UMODL1: variants seen among roughly 807,000 people sequenced by gnomAD.
The protein encoded by UMODL1 is uromodulin-like 1.
Under a neutral mutation model 136.3 loss-of-function variants are expected in UMODL1, and 128 were observed. The ratio of observed to expected loss-of-function variants is 0.94; its 90% confidence interval spans 0.81 to 1.09. The LOEUF (loss-of-function observed/expected upper bound fraction) is 1.09. Ranked by LOEUF, UMODL1 falls within the 50% of genes least tolerant of loss-of-function variation. UMODL1 has a pLI of 0.00. For synonymous variants in UMODL1, 721 were observed against 720.0 expected (o/e 1.00, Z -0.02); for missense variants, 1,766 against 1,725.6 (o/e 1.02, Z -0.41).
chr21:42,073,808 C>T (rs2066257889), intron 1 of UMODL1, among the ~76,000 whole-genome samples: 2 of 146,666 alleles, frequency 1.4e-5, no homozygotes, highest in Admixed American at 1.4e-4. Flanking sequence ...CTCTGTGTTC[C>T]TCCCCAGAAA....
chr21:42,132,534 CCATCCATCTATT>C (rs1225025302), intron 21 of UMODL1, among the ~76,000 whole-genome samples: 2 of 151,930 alleles, frequency 1.3e-5, no homozygotes, highest in African/African-American at 4.8e-5. Flanking sequence ...ATTCATCCAT[CCATCCATCTATT>C]CATCCATCCA....
chr21:42,104,641 G>A (rs1226993331), intron 9 of UMODL1, among the ~76,000 whole-genome samples: 2 of 152,006 alleles, frequency 1.3e-5, no homozygotes, highest in Non-Finnish European at 2.9e-5. Context: ...GTAGAGACAG[G>A]GTTTCACCGT....
Position 42,127,140 on chromosome 21 carries a change from T to C in UMODL1, c.3428T>C (p.Leu1143Pro). The C allele has an allele frequency of 1.2e-6, 2 of 1,614,154 alleles. No homozygotes were observed. Among genetic ancestry groups the C allele is most frequent in the Non-Finnish European group, 1.7e-6 (2 of 1,180,032 alleles). ...GACGATGTCAGGATCGAAGTGGGGCTCTACAGGCAGAAAAGCAACCTCAAG... is the reference window on the plus strand; with the variant it reads ...GACGATGTCAGGATCGAAGTGGGGCCCTACAGGCAGAAAAGCAACCTCAAG... ...ASDDVRIEVG[L>P]YRQKSNLKVV... The change falls in exon 19 of 23, where the codon CTC (leucine) becomes CCC (proline). Residue 1143 changes from leucine to proline, a missense_variant. Leu to Pro is a moderately conservative substitution (Grantham distance 98). Transcript: ENST00000408910.
At chr21:42,128,827 T>A (rs2067096545) in intron 20 of UMODL1, among the ~76,000 whole-genome samples, 1 of 152,198 alleles carries the variant, frequency 6.6e-6, no homozygotes, top group Admixed American at 6.5e-5. Context: ...TTTTTCAAGC[T>A]CCTTTAGGAT....
chr21:42,123,209 C>A lies in UMODL1; in HGVS notation c.3147+59C>A. 1 of 1,536,518 alleles carries A rather than the reference C, an allele frequency of 6.5e-7. No individual in the cohort carries two copies. The highest frequency in any genetic ancestry group is 1.9e-5 in the Admixed American group (1 of 53,286). ...CTAGGGCGCAAGGGGCTCTAGGTTACATGGGCCTCGATGTGGGAGGGCCAG... is the reference window on the plus strand; with the variant it reads ...CTAGGGCGCAAGGGGCTCTAGGTTAAATGGGCCTCGATGTGGGAGGGCCAG... On this transcript the variant is annotated intron_variant, in intron 17 of 22. Transcript: ENST00000408910. This position sits in a 1 kb window ranked among gnomAD's most constrained non-coding sequence, Gnocchi z 4.4.
At chr21:42,110,471 A>C (rs924510936) in intron 10 of UMODL1, among the ~76,000 whole-genome samples, 1 of 152,134 alleles carries the variant, frequency 6.6e-6, no homozygotes, top group African/African-American at 2.4e-5. Context: ...CATTCGCCTA[A>C]TGTCCTGCAA....
intron 1 of UMODL1, chr21:42,063,340 C>T (rs1370032415): frequency 6.6e-6 from 1 of 152,510 alleles, no homozygotes; most frequent in East Asian, 1.9e-4. Context: ...TTCACTTCCT[C>T]ATTGGCAAGC....
rs767644421 is a variant in UMODL1 at position 42,109,455 on chromosome 21, C to T, written c.1520-107C>T. The T allele has an allele frequency of 4.5e-4, 679 of 1,502,624 alleles. 1 individual carries two copies. The highest frequency in any genetic ancestry group is 5.8e-4 in the Non-Finnish European group (646 of 1,105,660). 93.1% of individuals were successfully genotyped at this position (1,502,624 alleles called of 1,614,324 possible). ...GCCCCAAAATGCCCCTGCTCCCGGC[C>T]GTTCACTGCAAAGACGGCTAGGAAG... is the stretch of plus-strand genomic sequence containing the variant. On this transcript the variant is annotated intron_variant, in intron 9 of 22. Coordinates refer to ENST00000408910, the MANE Select transcript of UMODL1 (RefSeq NM_001004416.3).
intron 3 of UMODL1, 94 bp downstream of exon 3, chr21:42,084,339 T>A: frequency 7.1e-7 from 1 of 1,401,938 alleles, no homozygotes; most frequent in Non-Finnish European, 9.5e-7. Flanking sequence ...AGTGTGTTTC[T>A]AGGAGCAGTG....
chr21:42,111,721 C>T lies in UMODL1; in HGVS notation c.2104+11C>T, dbSNP rs544754891. The stretch of plus-strand genomic sequence containing the variant: ...AGACCCCCGCCTGTGGTGAGTTCCT[C>T]GAATGGTGCATGGGGACTAGGACTA... On this transcript the variant is annotated intron_variant, in intron 12 of 22. Coordinates refer to ENST00000408910, the MANE Select transcript of UMODL1 (RefSeq NM_001004416.3). 111 of 1,603,440 alleles carry T rather than the reference C, an allele frequency of 6.9e-5. 1 individual carries two copies. The Middle Eastern group carries it at 1.7e-3, about 24-fold the overall frequency.
chr21:42,104,408 ATTTCTTTTCTTTT>A (rs950054332), intron 9 of UMODL1, among the ~76,000 whole-genome samples: 32 of 149,876 alleles, frequency 2.1e-4, no homozygotes, highest in East Asian at 5.9e-4. Context: ...CTGTGGGTCT[ATTTCTTTTCTTTT>A]TTTCTTTTCT....
At chr21:42,067,900 G>A (rs1192198773), upstream of UMODL1, among the ~76,000 whole-genome samples, 1 of 152,254 alleles carries the variant, frequency 6.6e-6, no homozygotes, top group Admixed American at 6.5e-5. Context: ...AAAAGGAAAA[G>A]TCATTCGGGC....
intron 1 of UMODL1, 116 bp from the exon 2 acceptor site, chr21:42,075,889 C>A (rs1247306575): frequency 2.8e-5 from 41 of 1,470,748 alleles, no homozygotes; most frequent in African/African-American, 5.6e-5. Context: ...GAGAGGCCTG[C>A]GCGAGTGCGG....
intron 6 of UMODL1, among the ~76,000 whole-genome samples, chr21:42,092,057 G>A (rs564816520): frequency 2.6e-5 from 4 of 152,336 alleles, no homozygotes; most frequent in East Asian, 1.9e-4. Flanking sequence ...TAAGCTGGCC[G>A]GCAAGCAGGG....
Position 42,112,305 on chromosome 21 carries a change from A to G in UMODL1, c.2104+595A>G, listed in dbSNP as rs150411513. Among the ~76,000 whole-genome samples the G allele has an allele frequency of 2.2e-3, 333 of 148,232 alleles. 2 individuals are homozygous for G. The highest frequency in any genetic ancestry group is 8.0e-3 in the African/African-American group (314 of 39,324). On this transcript the variant is annotated intron_variant, in intron 12 of 22. Transcript: ENST00000408910. The stretch of plus-strand genomic sequence containing the variant: ...TTCTGCACCTCCCCAGCTGTTCTGT[A>G]TCTCCCCAGCTGCTCTGTATCTGCC...
At chr21:42,100,975 A>G (rs899108213) in intron 7 of UMODL1, among the ~76,000 whole-genome samples, 5 of 144,938 alleles carry the variant, frequency 3.4e-5, no homozygotes, top group Non-Finnish European at 6.0e-5. Context: ...TTCAGGAAAA[A>G]AAATACCTGC....
intron 12 of UMODL1, 144 bp downstream of exon 12, chr21:42,111,854 C>T (rs181167260): frequency 3.4e-4 from 295 of 862,760 alleles, no homozygotes; most frequent in Middle Eastern, 6.0e-4. Context: ...CGTGTGGAAA[C>T]GGAGGCACCC....
At position 42,113,735 on chromosome 21, in the gene UMODL1, T is replaced by A. The variant is rs1421667297; in HGVS notation, c.2267T>A (p.Leu756Gln). ...GAGACCTGGAACACGAGTGTGACAC[T>A]GTCGGGGCTGGAGCCTGGGGTCTTG... is the stretch of plus-strand genomic sequence containing the variant. ...VLETWNTSVT[L>Q]SGLEPGVLHL... Residue 756 changes from leucine (L) to glutamine (Q), a missense_variant, in exon 13 of 23, where the codon CTG becomes CAG. Physicochemically the swap from Leu to Gln is moderately radical, Grantham distance 113. Coordinates refer to ENST00000408910, the MANE Select transcript of UMODL1 (RefSeq NM_001004416.3). 7 of 1,613,958 alleles carry A rather than the reference T, an allele frequency of 4.3e-6. No individual in the cohort carries two copies. In the East Asian group the frequency reaches 1.3e-4, roughly 31 times the overall value.
chr21:42,071,367 C>A lies in UMODL1; in HGVS notation c.51C>A (p.Gly17=), dbSNP rs1220164389. The change falls in exon 1 of 23, where the codon GGC becomes GGA. Residue 17 remains glycine, a synonymous_variant. Transcript: ENST00000408910. ...LALLALVSAV[G]PSQASGFTEK... ...TGCTGGCTCTGGTCAGTGCTGTGGG[C>A]CCAAGCCAGGCCAGCGGCTTCACAG... is the stretch of plus-strand genomic sequence containing the variant. The A allele has an allele frequency of 6.3e-7, 1 of 1,595,354 alleles. No individual in the cohort carries two copies. Among genetic ancestry groups the A allele is most frequent in the Non-Finnish European group, 8.5e-7 (1 of 1,171,378 alleles).
Sources: allele counts gnomAD v4.1 joint callset (sites outside exome capture counted in the v4.1 genomes callset), GRCh38; gene constraint gnomAD v4.1.1; non-coding constraint Gnocchi (gnomAD v3.1); transcripts MANE v1.5; gene names NCBI Gene and HGNC (gene_info 2026-07-23, HGNC 2026-07-21).